Variants in F10 observed in about 807,000 individuals in gnomAD.
F10 encodes the protein Stuart-Prower factor.
Under a neutral mutation model 37.1 loss-of-function variants are expected in F10, and 29 were observed. That is an observed-to-expected ratio of 0.78 (90% CI 0.58 to 1.07). The LOEUF (loss-of-function observed/expected upper bound fraction) is 1.07, where lower values mean the gene tolerates loss of function less well. Among genes scored for constraint, F10 ranks in the 50% least tolerant of loss-of-function variants. The pLI is 0.00. For synonymous variants in F10, 262 were observed against 268.6 expected (o/e 0.98, Z 0.24); for missense variants, 539 against 667.9 (o/e 0.81, Z 2.13).
At chr13:113,123,497 C>A (rs2036340546) in intron 1 of F10, among the ~76,000 whole-genome samples, 1 of 152,120 alleles carries the variant, frequency 6.6e-6, no homozygotes, top group South Asian at 2.1e-4. Flanking sequence ...AAAGCAGAGG[C>A]CCAGACAGGA....
At chr13:113,148,363 T>TATATATACAC (rs56165023) in intron 7 of F10, among the ~76,000 whole-genome samples, 4 of 110,360 alleles carry the variant, frequency 3.6e-5, no homozygotes, top group Non-Finnish European at 7.0e-5. Flanking sequence ...TATATATATA[T>TATATATACAC]GTATATATAT....
chr13:113,132,034 A>C (rs1222380575), intron 2 of F10: 1 of 152,280 alleles, frequency 6.6e-6, no homozygotes, highest in East Asian at 1.9e-4. Context: ...TGGAAAGCGC[A>C]ACATTGACAC....
Position 113,142,762 on chromosome 13 carries a change from T to TAA in F10, c.503-1079_503-1078dup, listed in dbSNP as rs5806975. Among the ~76,000 whole-genome samples the TAA allele has an allele frequency of 2.9e-4, 37 of 127,874 alleles. 1 individual carries two copies. In the East Asian group the frequency reaches 7.1e-3, roughly 25 times the overall value. 83.9% of individuals were successfully genotyped at this position (127,874 alleles called of 152,430 possible). ...CCAACATGGTGAAACCCTGTCTCTA[T>TAA]AAAAAAAAAAATACAAAAACTTAGC... On this transcript the variant is annotated intron_variant, in intron 5 of 7. Coordinates refer to ENST00000375559, the MANE Select transcript of F10 (RefSeq NM_000504.4).
At position 113,146,171 on chromosome 13, in the gene F10, C is replaced by G. The variant is rs564557860; in HGVS notation, c.748-1208C>G. 6.6e-6 allele frequency among the ~76,000 whole-genome samples: 1 copy of G among 152,296 alleles called. No individual in the cohort carries two copies. The highest frequency in any genetic ancestry group is 1.9e-4 in the East Asian group (1 of 5,184). The stretch of plus-strand genomic sequence containing the variant: ...GCAATGCATGTTTGTTGAGGGCCTT[C>G]TGTGTGTCAGGCACTGAGCCGGGTG... On this transcript the variant is annotated intron_variant, in intron 6 of 7. Transcript: ENST00000375559. The surrounding 1 kb of genome is among the most constrained non-coding windows in gnomAD (Gnocchi z 4.5).
At chr13:113,140,499 T>G (rs2036517566) in intron 4 of F10, 1 of 475,522 alleles carries the variant, frequency 2.1e-6, no homozygotes, top group South Asian at 1.5e-5. Flanking sequence ...GAACACCATT[T>G]GGTAACTTAT....
intron 1 of F10, among the ~76,000 whole-genome samples, chr13:113,127,596 C>T (rs1348825320): frequency 6.6e-6 from 1 of 152,114 alleles, no homozygotes; most frequent in Non-Finnish European, 1.5e-5. Flanking sequence ...GGATCCAGGG[C>T]ATTTTAACCA....
rs1392605349 is a variant in F10 at position 113,129,741 on chromosome 13, G to A, written c.231+129G>A. On this transcript the variant is annotated intron_variant, in intron 2 of 7. Transcript: ENST00000375559. Reference sequence around the variant, plus strand: ...GCAGCGTGCGCGAAGGCTTTCAGGGGCGGGGCCCAGCAAATCGAGGCCTCG... The same window carrying A: ...GCAGCGTGCGCGAAGGCTTTCAGGGACGGGGCCCAGCAAATCGAGGCCTCG... 2.0e-5 allele frequency: 24 copies of A among 1,225,188 alleles called. No individual in the cohort carries two copies. In the Admixed American group the frequency reaches 2.0e-4, roughly 10 times the overall value. 75.9% of individuals were successfully genotyped at this position (1,225,188 alleles called of 1,614,324 possible).
intron 7 of F10, among the ~76,000 whole-genome samples, 193 bp from the exon 8 acceptor site, chr13:113,148,723 T>C (rs1323238176): frequency 6.6e-6 from 1 of 152,230 alleles, no homozygotes; most frequent in East Asian, 1.9e-4. Flanking sequence ...ACAGGACCAG[T>C]GGTTCCCTGG....
At chr13:113,124,144 G>A (rs568387884) in intron 1 of F10, among the ~76,000 whole-genome samples, 5 of 150,794 alleles carry the variant, frequency 3.3e-5, no homozygotes, top group East Asian at 1.9e-4. Context: ...AGCCCGGCCC[G>A]GGGCTCCCGA....
chr13:113,140,971 C>A lies in F10; in HGVS notation c.423C>A (p.His141Gln). 6.2e-7 allele frequency: 1 copy of A among 1,614,150 alleles called. No homozygotes were observed. The highest frequency in any genetic ancestry group is 8.5e-7 in the Non-Finnish European group (1 of 1,180,042). ...LDNGDCDQFC[H>Q]EEQNSVVCSC... ...ACGGGGACTGTGACCAGTTCTGCCACGAGGAACAGAACTCTGTGGTGTGCT... is the reference window on the plus strand; with the variant it reads ...ACGGGGACTGTGACCAGTTCTGCCAAGAGGAACAGAACTCTGTGGTGTGCT... Residue 141 changes from histidine to glutamine, a missense_variant, in exon 5 of 8, where the codon CAC (histidine) becomes CAA (glutamine). This residue lies in a region of F10 where 409 missense variants were observed against 547.9 expected (regional missense o/e 0.75). Coordinates refer to ENST00000375559, the MANE Select transcript of F10 (RefSeq NM_000504.4).
intron 1 of F10, among the ~76,000 whole-genome samples, chr13:113,127,187 A>G (rs993632851): frequency 6.6e-6 from 1 of 152,218 alleles, no homozygotes; most frequent in Non-Finnish European, 1.5e-5. Flanking sequence ...AGATATTATA[A>G]TTCCCTTCTG....
chr13:113,139,507 G>C lies in F10; in HGVS notation c.370+37G>C. On this transcript the variant is annotated intron_variant, in intron 4 of 7. Transcript: ENST00000375559. This position sits in a 1 kb window ranked among gnomAD's most constrained non-coding sequence, Gnocchi z 5.2. ...TGCTTGGTATACCTTCAGATCAGAT[G>C]CCCCTGAAGAGTGGCAGGTGGGCGG... 1 of 1,523,786 alleles carries C rather than the reference G, an allele frequency of 6.6e-7. No individual in the cohort carries two copies. The highest frequency in any genetic ancestry group is 9.1e-7 in the Non-Finnish European group (1 of 1,098,222). 94.4% of individuals were successfully genotyped at this position (1,523,786 alleles called of 1,614,324 possible). A position where few individuals can be genotyped will look rare whatever the true frequency, so the allele number is the denominator to read the frequency against.
In F10 at chr13:113,139,640, A is replaced by G. The variant is rs1040780518; in HGVS notation, c.370+170A>G. ...TGTGCCACTATAGCAATAGAAAAAA[A>G]AGCCCCAATATGTCCCCCAAACGAT... On this transcript the variant is annotated intron_variant, in intron 4 of 7. Transcript: ENST00000375559. The surrounding 1 kb of genome is among the most constrained non-coding windows in gnomAD (Gnocchi z 5.2). 1.5e-4 allele frequency among the ~76,000 whole-genome samples: 23 copies of G among 152,068 alleles called. No homozygotes were observed. Among genetic ancestry groups the G allele is most frequent in the African/African-American group, 5.6e-4 (23 of 41,410 alleles).
chr13:113,139,104 T>A lies in F10; in HGVS notation c.257-253T>A, dbSNP rs1429009358. 6.6e-6 allele frequency among the ~76,000 whole-genome samples: 1 copy of A among 152,210 alleles called. No homozygotes were observed. The highest frequency in any genetic ancestry group is 1.9e-4 in the East Asian group (1 of 5,204). On this transcript the variant is annotated intron_variant, in intron 3 of 7. Coordinates refer to ENST00000375559, the MANE Select transcript of F10 (RefSeq NM_000504.4). This position sits in a 1 kb window ranked among gnomAD's most constrained non-coding sequence, Gnocchi z 5.2. ...GTTGGTCCCTGTGGTCACCTCTGAC[T>A]GTAAACACACTGCAAAACACCGGCA... is the stretch of plus-strand genomic sequence containing the variant.
At chr13:113,130,261 G>C (rs948354172) in intron 2 of F10, 1 of 159,296 alleles carries the variant, frequency 6.3e-6, no homozygotes, top group African/African-American at 2.4e-5. Context: ...CGCCTGCGCA[G>C]TAGGAGGAGA....
At chr13:113,138,389 T>G in intron 2 of F10, 68 bp from the exon 3 acceptor site, 1 of 793,694 alleles carries the variant, frequency 1.3e-6, no homozygotes, top group Non-Finnish European at 2.2e-6. Flanking sequence ...CACTTAATTA[T>G]GGTTGTTATT....
intron 7 of F10, among the ~76,000 whole-genome samples, chr13:113,148,686 G>A (rs1010519723): frequency 1.3e-5 from 2 of 152,106 alleles, no homozygotes; most frequent in African/African-American, 4.8e-5. Context: ...CAGGAGTGGC[G>A]GCCGTCTAAA....
chr13:113,141,105 G>T lies in F10; in HGVS notation c.502+55G>T. The stretch of plus-strand genomic sequence containing the variant: ...GCTGCCGCTGGGCCGGGCCAGGGAG[G>T]ACAAGCCCGTGCCAGGGGGTGGGGA... On this transcript the variant is annotated intron_variant, in intron 5 of 7. Transcript: ENST00000375559. The surrounding 1 kb of genome is among the most constrained non-coding windows in gnomAD (Gnocchi z 5.4). The T allele has an allele frequency of 6.2e-7, 1 of 1,607,812 alleles. No individual in the cohort carries two copies. The highest frequency in any genetic ancestry group is 8.5e-7 in the Non-Finnish European group (1 of 1,179,172).
rs1400350511 is a variant in F10, at chr13:113,141,670, G to A, written c.502+620G>A. Among the ~76,000 whole-genome samples the A allele has an allele frequency of 6.6e-6, 1 of 152,212 alleles. No individual in the cohort carries two copies. The highest frequency in any genetic ancestry group is 1.5e-5 in the Non-Finnish European group (1 of 68,026). On this transcript the variant is annotated intron_variant, in intron 5 of 7. Coordinates refer to ENST00000375559, the MANE Select transcript of F10 (RefSeq NM_000504.4). The surrounding 1 kb of genome is among the most constrained non-coding windows in gnomAD (Gnocchi z 5.4). ...TCCCTGTCCTGACCCCGTGGGCATT[G>A]CCTACGCTGGGCTTGCCTGGCTGCC...
Sources: gnomAD v4.1 joint callset for allele counts (sites outside exome capture counted in the v4.1 genomes callset) on GRCh38, gnomAD v4.1.1 for gene constraint, gnomAD v4.1.1 regional missense constraint, Gnocchi (gnomAD v3.1) non-coding constraint, MANE v1.5 for transcripts, NCBI Gene and HGNC (gene_info 2026-07-23, HGNC 2026-07-21) for gene names.